Variants in AATF observed in about 807,000 individuals in gnomAD.
AATF encodes the protein apoptosis antagonizing transcription factor.
AATF carries 48 observed loss-of-function variants against 63.7 expected under a neutral mutation model. The ratio of observed to expected loss-of-function variants is 0.75; its 90% CI spans 0.60 to 0.96. The LOEUF (loss-of-function observed/expected upper bound fraction) is 0.96. Ranked by LOEUF, AATF falls within the 40% of genes least tolerant of loss-of-function variation. The pLI is 0.00. For synonymous variants in AATF, 258 were observed against 247.7 expected (o/e 1.04, Z -0.39); for missense variants, 639 against 685.7 (o/e 0.93, Z 0.76).
chr17:37,048,372 T>TC (rs1185191460), intron 11 of AATF, among the ~76,000 whole-genome samples: 4 of 141,416 alleles, frequency 2.8e-5, no homozygotes, highest in Non-Finnish European at 6.1e-5. Context: ...TCTTTTTTTT[T>TC]TTTTTTTTTT....
chr17:37,009,786 C>T (rs547681153), intron 8 of AATF, among the ~76,000 whole-genome samples: 22 of 135,350 alleles, frequency 1.6e-4, no homozygotes, highest in African/African-American at 5.2e-4. Flanking sequence ...CACTGCAGTC[C>T]GCAGTCTGGC....
At chr17:36,971,239 C>T (rs1047267363) in intron 4 of AATF, among the ~76,000 whole-genome samples, 2 of 151,840 alleles carry the variant, frequency 1.3e-5, no homozygotes, top group African/African-American at 2.4e-5. Context: ...AAAAAATACC[C>T]ATTCAAAAAA....
intron 4 of AATF, among the ~76,000 whole-genome samples, chr17:36,968,264 TTCTTTC>T (rs2071009016): frequency 9.5e-6 from 1 of 105,176 alleles, no homozygotes; most frequent in African/African-American, 5.1e-5. Flanking sequence ...CTTTCTTTCC[TTCTTTC>T]TTTTTTTTTT....
intron 4 of AATF, 90 bp downstream of exon 4, chr17:36,953,997 T>G (rs776585770): frequency 5.0e-5 from 70 of 1,409,268 alleles, no homozygotes; most frequent in Non-Finnish European, 6.5e-5. Flanking sequence ...GCTTGAGCCA[T>G]GTTTATTGTG....
intron 8 of AATF, among the ~76,000 whole-genome samples, chr17:37,012,516 C>T (rs550339823): frequency 6.6e-6 from 1 of 152,210 alleles, no homozygotes; most frequent in East Asian, 1.9e-4. Flanking sequence ...TTTGTATCTC[C>T]CAGTGAGGAA....
intron 8 of AATF, among the ~76,000 whole-genome samples, chr17:37,004,330 A>T (rs376612235): frequency 2.0e-5 from 3 of 152,098 alleles, no homozygotes; most frequent in Non-Finnish European, 4.4e-5. Context: ...AAACTCTGAA[A>T]AAAAAGAGAG....
At chr17:36,974,443 C>A (rs1315920819) in intron 4 of AATF, among the ~76,000 whole-genome samples, 2 of 152,062 alleles carry the variant, frequency 1.3e-5, no homozygotes, top group Non-Finnish European at 2.9e-5. Flanking sequence ...TAGTAAACAT[C>A]ATTATTAGTA....
chr17:36,966,066 A>G (rs2070989231), intron 4 of AATF, among the ~76,000 whole-genome samples: 2 of 152,020 alleles, frequency 1.3e-5, no homozygotes, highest in South Asian at 4.1e-4. Context: ...TATTTCTTTA[A>G]TAATTTTCTT....
chr17:37,022,092 A>T (rs1023195377), intron 10 of AATF, among the ~76,000 whole-genome samples: 1 of 150,852 alleles, frequency 6.6e-6, no homozygotes, highest in African/African-American at 2.4e-5. Context: ...ACCTCGCTAT[A>T]CTTTTAGACT....
At chr17:36,974,238 CTA>C (rs1228607770) in intron 4 of AATF, among the ~76,000 whole-genome samples, 6 of 152,234 alleles carry the variant, frequency 3.9e-5, no homozygotes, top group Admixed American at 3.9e-4. Context: ...AAATGGGACT[CTA>C]TTCTGTAATT....
intron 4 of AATF, among the ~76,000 whole-genome samples, chr17:36,957,691 C>T (rs1387059974): frequency 2.0e-5 from 3 of 152,122 alleles, no homozygotes; most frequent in African/African-American, 7.2e-5. Flanking sequence ...TCCTACCTTT[C>T]TGATCTCTTC....
In AATF at chr17:37,021,906, A is replaced by G. The variant is rs2071474811; in HGVS notation, c.1547+892A>G. On this transcript the variant is annotated intron_variant, in intron 10 of 11. Transcript: ENST00000619387. ...ATGCCATATGTGCACACAGTATGCT[A>G]AAAAGATATAAGTGAAGGACCACAG... is the stretch of plus-strand genomic sequence containing the variant. Among the ~76,000 whole-genome samples, 3 of 151,968 alleles carry G rather than the reference A, an allele frequency of 2.0e-5. No homozygotes were observed. In the South Asian group the frequency reaches 6.2e-4, roughly 31 times the overall value.
chr17:37,020,250 G>A (rs984964874), intron 9 of AATF, among the ~76,000 whole-genome samples: 2 of 151,870 alleles, frequency 1.3e-5, no homozygotes, highest in African/African-American at 4.8e-5. Context: ...TCCAGGAAAT[G>A]TGAAGACTGA....
intron 4 of AATF, among the ~76,000 whole-genome samples, chr17:36,975,007 G>T (rs2071069115): frequency 6.6e-6 from 1 of 152,096 alleles, no homozygotes; most frequent in Non-Finnish European, 1.5e-5. Flanking sequence ...TTTGTTGTGA[G>T]ATGTTATTTT....
At chr17:37,008,243 T>C (rs182630683) in intron 8 of AATF, among the ~76,000 whole-genome samples, 3 of 152,232 alleles carry the variant, frequency 2.0e-5, no homozygotes, top group Non-Finnish European at 4.4e-5. Flanking sequence ...TACGTTTTGC[T>C]GAGTGCTTTA....
intron 8 of AATF, among the ~76,000 whole-genome samples, chr17:37,004,622 G>T (rs542524516): frequency 6.6e-6 from 1 of 152,150 alleles, no homozygotes; most frequent in East Asian, 1.9e-4. Flanking sequence ...GAGGTAAGGG[G>T]TGAGAGCATG....
chr17:36,952,115 A>G (rs1353987143), intron 2 of AATF, among the ~76,000 whole-genome samples: 1 of 152,238 alleles, frequency 6.6e-6, no homozygotes, highest in Non-Finnish European at 1.5e-5. Flanking sequence ...CTCATCTCCC[A>G]TCACTTCCTT....
chr17:36,953,961 ACAGC>A, intron 4 of AATF, 54 bp downstream of exon 4: 17 of 1,578,226 alleles, frequency 1.1e-5, no homozygotes, highest in Non-Finnish European at 1.5e-5. Context: ...TCAAATGAAG[ACAGC>A]TTTGATTGAA....
chr17:37,051,586 C>T (rs1275669314), intron 11 of AATF, among the ~76,000 whole-genome samples: 1 of 152,002 alleles, frequency 6.6e-6, no homozygotes, highest in Non-Finnish European at 1.5e-5. Context: ...ACCTTACCTG[C>T]CACTCAAGTG....
Sources: allele counts gnomAD v4.1 joint callset (sites outside exome capture counted in the v4.1 genomes callset), GRCh38; gene constraint gnomAD v4.1.1; transcripts MANE v1.5; gene names NCBI Gene and HGNC (gene_info 2026-07-23, HGNC 2026-07-21).